MTHFS: variants seen among roughly 807,000 people sequenced by gnomAD.
MTHFS encodes 5-formyltetrahydrofolate cyclo-ligase.
Under a neutral mutation model 12.7 loss-of-function variants are expected in MTHFS, and 7 were observed. The observed-to-expected ratio is 0.55, with a 90% confidence interval of 0.31 to 1.03. The LOEUF (loss-of-function observed/expected upper bound fraction) is 1.03, where lower values mean the gene tolerates loss of function less well. Among genes scored for constraint, MTHFS ranks in the 50% least tolerant of loss-of-function variants. MTHFS has a pLI of 0.05. For synonymous variants in MTHFS, 100 were observed against 97.1 expected, an observed-to-expected ratio of 1.03 and a Z score of -0.18; for missense variants, 252 against 258.1, an observed-to-expected ratio of 0.98 and a Z score of 0.16.
chr15:79,889,477 G>A (rs527240352), intron 1 of MTHFS, 123 bp from the exon 2 acceptor site: 5 of 1,381,156 alleles, frequency 3.6e-6, no homozygotes, highest in Admixed American at 2.7e-5. Flanking sequence ...AAAAAAAAGG[G>A]GGGGGGACCA....
rs58698908 is a variant in MTHFS, at chr15:79,864,547, CAAAAAAAAAAAAAAAAAAAAA to C, written c.380-19126_380-19106del. ...GCAACAAAGTGAGACTCCATCTCAA[CAAAAAAAAAAAAAAAAAAAAA>C]AAAAAAAAAAAAGTCCTTGAGAGTA... On this transcript the variant is annotated intron_variant, in intron 2 of 2. Coordinates refer to ENST00000258874, the MANE Select transcript of MTHFS (RefSeq NM_006441.4). Among the ~76,000 whole-genome samples the C allele has an allele frequency of 9.5e-4, 61 of 64,546 alleles. 1 individual carries two copies. Among genetic ancestry groups the C allele is most frequent in the Middle Eastern group, 0.015 (1 of 66 alleles). The allele number at this position is 64,546 out of a possible 152,430, so 42.3% of individuals were successfully genotyped here.
At chr15:79,866,767 A>G (rs1444937385) in intron 2 of MTHFS, among the ~76,000 whole-genome samples, 2 of 152,188 alleles carry the variant, frequency 1.3e-5, no homozygotes, top group Non-Finnish European at 2.9e-5. Flanking sequence ...ACCGACCAAC[A>G]TGAAGAAACC....
At chr15:79,869,223 T>C (rs1336676211) in intron 2 of MTHFS, among the ~76,000 whole-genome samples, 1 of 152,238 alleles carries the variant, frequency 6.6e-6, no homozygotes, top group Non-Finnish European at 1.5e-5. Context: ...TTGTGGTATT[T>C]AATTACTATT....
intron 2 of MTHFS, among the ~76,000 whole-genome samples, chr15:79,880,222 A>G (rs1435290123): frequency 6.6e-6 from 1 of 151,932 alleles, no homozygotes; most frequent in Non-Finnish European, 1.5e-5. Context: ...GGCACCCACC[A>G]CCACGCCTGG....
chr15:79,883,467 G>A (rs569842665), intron 2 of MTHFS, among the ~76,000 whole-genome samples: 4 of 151,376 alleles, frequency 2.6e-5, no homozygotes, highest in South Asian at 2.1e-4. Flanking sequence ...TTTCTGCTCC[G>A]AAAGAGTCTA....
intron 2 of MTHFS, among the ~76,000 whole-genome samples, chr15:79,867,815 G>C (rs1208585495): frequency 2.0e-5 from 3 of 152,152 alleles, no homozygotes; most frequent in Non-Finnish European, 4.4e-5. Context: ...AAAATCTAAA[G>C]TTCTTTTTTA....
intron 2 of MTHFS, among the ~76,000 whole-genome samples, chr15:79,847,528 C>T (rs911856763): frequency 5.3e-5 from 8 of 151,846 alleles, no homozygotes; most frequent in African/African-American, 1.9e-4. Flanking sequence ...ACTAAAAATA[C>T]AAAATATTAG....
At chr15:79,872,168 C>G (rs1002525581) in intron 2 of MTHFS, among the ~76,000 whole-genome samples, 1 of 148,270 alleles carries the variant, frequency 6.7e-6, no homozygotes, top group Admixed American at 6.7e-5. Flanking sequence ...ATAGAATACA[C>G]GAGGCCCAAA....
chr15:79,856,997 CTT>C (rs558340769), intron 2 of MTHFS, among the ~76,000 whole-genome samples: 17 of 131,086 alleles, frequency 1.3e-4, no homozygotes, highest in Admixed American at 2.3e-4. Context: ...CGCAAAGTCA[CTT>C]TTTTTTTTTT....
rs16971431 is a variant in MTHFS, at chr15:79,848,782, G to C, written c.380-3340C>G. Reference sequence around the variant, plus strand: ...AGTCTACCTTGTACCACAGTTGATGGTACACGTCTCTGTCTCCCTCACTGG... The same window carrying C: ...AGTCTACCTTGTACCACAGTTGATGCTACACGTCTCTGTCTCCCTCACTGG... On this transcript the variant is annotated intron_variant, in intron 2 of 2. Coordinates refer to ENST00000258874, the MANE Select transcript of MTHFS (RefSeq NM_006441.4). 0.022 allele frequency among the ~76,000 whole-genome samples: 3,285 copies of C among 152,162 alleles called. 191 individuals carry two copies. The East Asian group carries it at 0.22, about 10-fold the overall frequency.
intron 1 of MTHFS, among the ~76,000 whole-genome samples, chr15:79,894,441 G>A (rs1355075185): frequency 6.6e-6 from 1 of 152,236 alleles, no homozygotes; most frequent in East Asian, 1.9e-4. Flanking sequence ...AATGTTCCTT[G>A]TATGTGTATA....
intron 2 of MTHFS, among the ~76,000 whole-genome samples, chr15:79,855,026 C>A (rs1314016254): frequency 1.3e-5 from 2 of 152,162 alleles, no homozygotes; most frequent in African/African-American, 4.8e-5. Flanking sequence ...CAATAGGACA[C>A]AGCCATGCTC....
intron 2 of MTHFS, among the ~76,000 whole-genome samples, chr15:79,862,075 T>C (rs2033925905): frequency 6.6e-6 from 1 of 152,170 alleles, no homozygotes; most frequent in African/African-American, 2.4e-5. Context: ...TTTGGCTTTT[T>C]TTTTTCCTTT....
At chr15:79,850,555 C>G (rs2033697147) in intron 2 of MTHFS, among the ~76,000 whole-genome samples, 1 of 152,132 alleles carries the variant, frequency 6.6e-6, no homozygotes, top group African/African-American at 2.4e-5. Context: ...AGGTGGAGGG[C>G]CAGATTTGGC....
At position 79,889,077 on chromosome 15, in the gene MTHFS, A is replaced by C; in HGVS notation, c.379+16T>G. 1 of 1,612,718 alleles carries C rather than the reference A, an allele frequency of 6.2e-7. No individual in the cohort carries two copies. Among genetic ancestry groups the C allele is most frequent in the South Asian group, 1.1e-5 (1 of 90,932 alleles). ...CTGGTCATAATCTAACAACATCCTAACACCATAATACTCACCTGTGGACAA... is the reference window on the plus strand; with the variant it reads ...CTGGTCATAATCTAACAACATCCTACCACCATAATACTCACCTGTGGACAA... On this transcript the variant is annotated intron_variant, in intron 2 of 2. Transcript: ENST00000258874.
intron 2 of MTHFS, among the ~76,000 whole-genome samples, chr15:79,859,960 T>C (rs1351824570): frequency 6.6e-6 from 1 of 151,998 alleles, no homozygotes; most frequent in Non-Finnish European, 1.5e-5. Flanking sequence ...TAAACTCAAG[T>C]GAAGTAAGAA....
chr15:79,844,989 C>G lies in MTHFS; in HGVS notation c.*221G>C, dbSNP rs1425969304. 1.6e-6 allele frequency: 1 copy of G among 634,762 alleles called. No homozygotes were observed. The highest frequency in any genetic ancestry group is 1.8e-5 in the African/African-American group (1 of 54,452). 39.3% of individuals were successfully genotyped at this position (634,762 alleles called of 1,614,324 possible). On this transcript the variant is annotated 3_prime_UTR_variant, in exon 3 of 3. Transcript: ENST00000258874. The stretch of plus-strand genomic sequence containing the variant: ...AACACCAGGAAGTTAAGCTGAAAAT[C>G]ACAGGCTGATAGCCTCCATTTTAAT...
chr15:79,867,962 A>T (rs924015226), intron 2 of MTHFS, among the ~76,000 whole-genome samples: 1 of 152,222 alleles, frequency 6.6e-6, no homozygotes, highest in African/African-American at 2.4e-5. Flanking sequence ...AATGAGAGAG[A>T]TCACACACGT....
intron 2 of MTHFS, among the ~76,000 whole-genome samples, chr15:79,851,191 T>A (rs989593865): frequency 6.6e-6 from 1 of 152,208 alleles, no homozygotes; most frequent in Non-Finnish European, 1.5e-5. Context: ...ATCACAAATC[T>A]TAAACTTCCA....
Sources: gnomAD v4.1 joint callset for allele counts (sites outside exome capture counted in the v4.1 genomes callset) on GRCh38, gnomAD v4.1.1 for gene constraint, MANE v1.5 for transcripts, NCBI Gene and HGNC (gene_info 2026-07-23, HGNC 2026-07-21) for gene names.